TCERG1L: variants seen among roughly 807,000 people sequenced by gnomAD.
TCERG1L encodes the protein transcription elongation regulator 1-like protein.
In TCERG1L, 37 loss-of-function variants were observed where a neutral mutation model predicts 56.3. That is an observed-to-expected ratio of 0.66 (90% CI 0.51 to 0.87). The LOEUF is 0.87. TCERG1L is among the 40% of genes least tolerant of loss of function. The pLI is 0.00. For missense variants in TCERG1L, 799 were observed against 774.2 expected (o/e 1.03, Z -0.38); for synonymous variants, 324 against 326.3 (o/e 0.99, Z 0.08).
At chr10:131,154,966 C>T (rs1361841502) in intron 6 of TCERG1L, among the ~76,000 whole-genome samples, 2 of 152,214 alleles carry the variant, frequency 1.3e-5, no homozygotes, top group African/African-American at 2.4e-5. Flanking sequence ...ACGTTCTAGA[C>T]AGAAGGTGCT....
At chr10:131,175,081 C>T (rs973458961) in intron 4 of TCERG1L, among the ~76,000 whole-genome samples, 4 of 152,208 alleles carry the variant, frequency 2.6e-5, no homozygotes, top group Non-Finnish European at 2.9e-5. Context: ...TCTGGTGTCA[C>T]GGCTAGACAG....
chr10:131,283,171 A>G (rs1846481041), intron 3 of TCERG1L, among the ~76,000 whole-genome samples: 1 of 152,252 alleles, frequency 6.6e-6, no homozygotes, highest in African/African-American at 2.4e-5. Flanking sequence ...CTCCAGCTAC[A>G]GTGAGGAACG....
chr10:131,172,249 T>C (rs571814703), intron 4 of TCERG1L, among the ~76,000 whole-genome samples: 34 of 151,644 alleles, frequency 2.2e-4, no homozygotes, highest in African/African-American at 8.2e-4. Context: ...CCCGGGGAAG[T>C]GAATGGACCC....
At chr10:131,264,161 C>T (rs1846262529) in intron 3 of TCERG1L, among the ~76,000 whole-genome samples, 1 of 151,806 alleles carries the variant, frequency 6.6e-6, no homozygotes, top group Admixed American at 6.6e-5. Flanking sequence ...AAGCTTCTCC[C>T]TGGTCTCAGC....
intron 4 of TCERG1L, among the ~76,000 whole-genome samples, chr10:131,179,514 C>T (rs762514463): frequency 2.6e-5 from 4 of 152,130 alleles, no homozygotes; most frequent in Non-Finnish European, 2.9e-5. Flanking sequence ...GGTCCACCCT[C>T]GGGCACCACC....
At chr10:131,227,769 C>A (rs1214821612) in intron 4 of TCERG1L, among the ~76,000 whole-genome samples, 1 of 152,160 alleles carries the variant, frequency 6.6e-6, no homozygotes, top group Non-Finnish European at 1.5e-5. Flanking sequence ...ATCACAGGCA[C>A]ATTCATTACA....
In TCERG1L at chr10:131,144,362, G is replaced by A. The variant is rs12571702; in HGVS notation, c.1189+2144C>T. On this transcript the variant is annotated intron_variant, in intron 7 of 11. Transcript: ENST00000368642. ...ATCTGACGAGCCGCGACGAACGATC[G>A]GCCAGGGAGAATGCCAGTCACTGCT... 0.022 allele frequency among the ~76,000 whole-genome samples: 3,343 copies of A among 152,180 alleles called. 172 individuals are homozygous for A. In the East Asian group the frequency reaches 0.22, roughly 10 times the overall value.
intron 6 of TCERG1L, among the ~76,000 whole-genome samples, chr10:131,160,437 C>T (rs1366020531): frequency 2.0e-5 from 3 of 151,934 alleles, no homozygotes; most frequent in African/African-American, 7.3e-5. Context: ...CCACCTGAAG[C>T]CCCTGGCCCT....
chr10:131,128,264 T>C (rs1218921368), intron 8 of TCERG1L, among the ~76,000 whole-genome samples: 1 of 152,098 alleles, frequency 6.6e-6, no homozygotes, highest in Non-Finnish European at 1.5e-5. Flanking sequence ...AAGAGCATAA[T>C]GACGAAGCGT....
At chr10:131,116,739 T>C in intron 9 of TCERG1L, 60 bp downstream of exon 9, 5 of 1,539,238 alleles carry the variant, frequency 3.2e-6, no homozygotes, top group Non-Finnish European at 4.4e-6. Context: ...GGACGGCCAC[T>C]CAGCTGCTGT....
At chr10:131,225,067 C>T (rs527364057) in intron 4 of TCERG1L, among the ~76,000 whole-genome samples, 10 of 152,234 alleles carry the variant, frequency 6.6e-5, no homozygotes, top group Admixed American at 4.6e-4. Flanking sequence ...AGTATTGTCT[C>T]GTTTTGCAGA....
chr10:131,234,284 T>G (rs1197247293), intron 4 of TCERG1L, among the ~76,000 whole-genome samples: 1 of 152,226 alleles, frequency 6.6e-6, no homozygotes, highest in Admixed American at 6.5e-5. Context: ...ACCTTTTAAG[T>G]AAGCTGTTGA....
chr10:131,216,645 A>G (rs1378948353), intron 4 of TCERG1L, among the ~76,000 whole-genome samples: 2 of 152,176 alleles, frequency 1.3e-5, no homozygotes, highest in Admixed American at 6.5e-5. Context: ...AGAATTGGAG[A>G]GGGGATTAAA....
chr10:131,181,055 G>A (rs1046716571), intron 4 of TCERG1L, among the ~76,000 whole-genome samples: 1 of 152,174 alleles, frequency 6.6e-6, no homozygotes, highest in Non-Finnish European at 1.5e-5. Context: ...GGCAGGGAAG[G>A]GCACAACCCC....
chr10:131,119,225 T>C lies in TCERG1L; in HGVS notation c.1260-2291A>G, dbSNP rs138279895. 3.2e-3 allele frequency among the ~76,000 whole-genome samples: 483 copies of C among 152,298 alleles called. 2 individuals carry two copies. The highest frequency in any genetic ancestry group is 0.011 in the African/African-American group (468 of 41,558). Reference sequence around the variant, plus strand: ...CCATGTTTAGGATGTACTGAGAATATGCAATGCCTTATGTCTAACAAGAGG... The same window carrying C: ...CCATGTTTAGGATGTACTGAGAATACGCAATGCCTTATGTCTAACAAGAGG... On this transcript the variant is annotated intron_variant, in intron 8 of 11. Coordinates refer to ENST00000368642, the MANE Select transcript of TCERG1L (RefSeq NM_174937.4).
At chr10:131,095,939 G>A (rs1589773091) in intron 11 of TCERG1L, among the ~76,000 whole-genome samples, 1 of 152,314 alleles carries the variant, frequency 6.6e-6, no homozygotes, top group African/African-American at 2.4e-5. Context: ...GTATTCATGG[G>A]AAGGGGAGTA....
intron 8 of TCERG1L, among the ~76,000 whole-genome samples, chr10:131,124,414 C>G (rs373996189): frequency 6.6e-6 from 1 of 152,204 alleles, no homozygotes; most frequent in Non-Finnish European, 1.5e-5. Context: ...CCTTGCCCTT[C>G]GGAGCGATGC....
At chr10:131,158,884 G>A (rs1845949368) in intron 6 of TCERG1L, among the ~76,000 whole-genome samples, 1 of 152,190 alleles carries the variant, frequency 6.6e-6, no homozygotes, top group Non-Finnish European at 1.5e-5. Flanking sequence ...AGAGTCAGCG[G>A]AGCCATCAGA....
intron 3 of TCERG1L, among the ~76,000 whole-genome samples, chr10:131,305,905 C>G (rs899146461): frequency 1.3e-5 from 2 of 150,448 alleles, no homozygotes; most frequent in Non-Finnish European, 2.9e-5. Flanking sequence ...TAAATGCATA[C>G]TTTTATAATA....
Sources: gnomAD v4.1 joint callset for allele counts (sites outside exome capture counted in the v4.1 genomes callset) on GRCh38, gnomAD v4.1.1 for gene constraint, MANE v1.5 for transcripts, NCBI Gene and HGNC (gene_info 2026-07-23, HGNC 2026-07-21) for gene names.